Variants in INSR observed in about 807,000 individuals in gnomAD.
The protein encoded by INSR is IR.
A neutral mutation model predicts 142.6 loss-of-function variants in INSR; 67 were observed. The observed-to-expected ratio is 0.47, with a 90% CI of 0.39 to 0.58. The LOEUF is 0.58. Ranked by LOEUF, INSR falls within the 20% of genes least tolerant of loss-of-function variation. INSR has a pLI of 0.00. For synonymous variants in INSR, 756 were observed against 743.1 expected (o/e 1.02, Z -0.28); for missense variants, 1,248 against 1,833.2 (o/e 0.68, Z 5.83).
chr19:7,289,194 G>C (rs975950251), intron 1 of INSR, among the ~76,000 whole-genome samples: 3 of 151,830 alleles, frequency 2.0e-5, no homozygotes, highest in Admixed American at 1.3e-4. Flanking sequence ...GATTAACTTC[G>C]AGAGCCATCG....
At position 7,126,798 on chromosome 19, in the gene INSR, G is replaced by C; in HGVS notation, c.2946-147C>G. On this transcript the variant is annotated intron_variant, in intron 15 of 21. Transcript: ENST00000302850. ...GATGCAGTCTAGGGCAGGGATGGGG[G>C]ACCTTTATGTTTTGAATGGAAGCCC... 3.9e-6 allele frequency: 3 copies of C among 762,028 alleles called. No individual in the cohort carries two copies. In the South Asian group the frequency reaches 4.5e-5, roughly 11 times the overall value. The allele number at this position is 762,028 out of a possible 1,614,324, so 47.2% of individuals were successfully genotyped here.
At chr19:7,257,405 T>C (rs1976927342) in intron 2 of INSR, among the ~76,000 whole-genome samples, 3 of 150,878 alleles carry the variant, frequency 2.0e-5, no homozygotes, top group Admixed American at 2.0e-4. Flanking sequence ...TCCAAACACG[T>C]CTAGAAGCAC....
At chr19:7,180,610 G>A (rs929921493) in intron 3 of INSR, among the ~76,000 whole-genome samples, 4 of 151,704 alleles carry the variant, frequency 2.6e-5, no homozygotes, top group South Asian at 2.1e-4. Context: ...GAGAGTGCAC[G>A]GATGATTGAC....
At chr19:7,264,357 C>T (rs2145203200) in intron 2 of INSR, among the ~76,000 whole-genome samples, 1 of 151,932 alleles carries the variant, frequency 6.6e-6, no homozygotes, top group South Asian at 2.1e-4. Context: ...AAACAAACAA[C>T]AGCAACAACA....
At chr19:7,200,217 G>T (rs1215199533) in intron 2 of INSR, among the ~76,000 whole-genome samples, 1 of 152,140 alleles carries the variant, frequency 6.6e-6, no homozygotes, top group Non-Finnish European at 1.5e-5. Flanking sequence ...TCTGGCTTAT[G>T]GTAGATGGAT....
At chr19:7,135,442 A>T (rs1397809799) in intron 13 of INSR, among the ~76,000 whole-genome samples, 1 of 144,664 alleles carries the variant, frequency 6.9e-6, no homozygotes, top group Non-Finnish European at 1.5e-5. Flanking sequence ...CAGCCTCCTG[A>T]GTAACTGGGA....
Position 7,128,901 on chromosome 19 carries a change from A to G in INSR, c.2896T>C (p.Phe966Leu). Residue 966 changes from phenylalanine (F) to leucine (L), a missense_variant, in exon 15 of 22, where the codon TTT becomes CTT. By Grantham distance (22) the Phe-to-Leu change is conservative. Coordinates refer to ENST00000302850, the MANE Select transcript of INSR (RefSeq NM_000208.4). The stretch of plus-strand genomic sequence containing the variant: ...CTTCCAATCACAACACTGAAGAGAA[A>G]GACAAAGATGAGGGGGCCGATGATA... ...KIIIGPLIFV[F>L]LFSVVIGSIY... 1.2e-6 allele frequency: 2 copies of G among 1,614,124 alleles called. No individual in the cohort carries two copies. The highest frequency in any genetic ancestry group is 1.7e-6 in the Non-Finnish European group (2 of 1,179,944).
intron 2 of INSR, among the ~76,000 whole-genome samples, chr19:7,200,628 TAGG>T (rs1974926030): frequency 6.6e-6 from 1 of 151,766 alleles, no homozygotes; most frequent in African/African-American, 2.4e-5. Context: ...TGCTTGAGCC[TAGG>T]AGTTCAAGAC....
intron 19 of INSR, 21 bp downstream of exon 19, chr19:7,122,593 A>C: frequency 6.2e-7 from 1 of 1,614,102 alleles, no homozygotes; most frequent in East Asian, 2.2e-5. Flanking sequence ...TTATGTTTTC[A>C]AAGCAGAAAG....
Position 7,166,553 on chromosome 19 carries a change from A to C in INSR, c.1611-149T>G. 3.4e-6 allele frequency: 3 copies of C among 882,738 alleles called. No homozygotes were observed. The South Asian group carries it at 4.4e-5, about 13-fold the overall frequency. The allele number at this position is 882,738 out of a possible 1,614,324, so 54.7% of individuals were successfully genotyped here. Reference sequence around the variant, plus strand: ...CCACAAGAAAAAATAACTCGGGAACAGCCAAAGAGAAAGGAACTGTCAACC... The same window carrying C: ...CCACAAGAAAAAATAACTCGGGAACCGCCAAAGAGAAAGGAACTGTCAACC... On this transcript the variant is annotated intron_variant, in intron 7 of 21. Transcript: ENST00000302850. This position sits in a 1 kb window ranked among gnomAD's most constrained non-coding sequence, Gnocchi z 4.1.
At chr19:7,182,533 T>A (rs929062554) in intron 3 of INSR, among the ~76,000 whole-genome samples, 1 of 151,952 alleles carries the variant, frequency 6.6e-6, no homozygotes, top group Non-Finnish European at 1.5e-5. Flanking sequence ...AATTAATTAA[T>A]TAAAAGCTTC....
At chr19:7,240,768 G>A (rs971878810) in intron 2 of INSR, among the ~76,000 whole-genome samples, 5 of 152,052 alleles carry the variant, frequency 3.3e-5, no homozygotes, top group Non-Finnish European at 5.9e-5. Context: ...CAGTCAGGGC[G>A]GTGAAAACCT....
In INSR at chr19:7,118,394, T is replaced by A. The variant is rs142663696; in HGVS notation, c.3795-984A>T. 3.0e-3 allele frequency among the ~76,000 whole-genome samples: 461 copies of A among 152,068 alleles called. 1 individual carries two copies. Among genetic ancestry groups the A allele is most frequent in the African/African-American group, 0.011 (447 of 41,532 alleles). On this transcript the variant is annotated intron_variant, in intron 21 of 21. Coordinates refer to ENST00000302850, the MANE Select transcript of INSR (RefSeq NM_000208.4). ...GTGCAATGGTGCAGTCTCTGCTCAC[T>A]GCAACCTCTGCCTCCCCGATTCAAG...
At chr19:7,236,195 C>G (rs1375116313) in intron 2 of INSR, among the ~76,000 whole-genome samples, 1 of 151,924 alleles carries the variant, frequency 6.6e-6, no homozygotes, top group Non-Finnish European at 1.5e-5. Flanking sequence ...CTGCTGACCT[C>G]AAGTGATCCA....
chr19:7,198,340 G>A (rs1290310645), intron 2 of INSR, among the ~76,000 whole-genome samples: 1 of 152,060 alleles, frequency 6.6e-6, no homozygotes, highest in Non-Finnish European at 1.5e-5. Flanking sequence ...CCCGGCCAGA[G>A]GAAAGGGCGC....
At chr19:7,154,166 A>C (rs1274325609) in intron 9 of INSR, among the ~76,000 whole-genome samples, 1 of 152,066 alleles carries the variant, frequency 6.6e-6, no homozygotes, top group Non-Finnish European at 1.5e-5. Context: ...GTCTCAAAAA[A>C]ATAATAAATA....
intron 14 of INSR, among the ~76,000 whole-genome samples, chr19:7,131,083 T>C (rs1289094186): frequency 1.3e-5 from 2 of 151,340 alleles, no homozygotes; most frequent in African/African-American, 2.4e-5. Flanking sequence ...TTTCACCATG[T>C]TGGTCAGGCT....
intron 9 of INSR, among the ~76,000 whole-genome samples, chr19:7,160,983 G>A (rs1267887543): frequency 5.0e-5 from 7 of 140,798 alleles, no homozygotes; most frequent in Admixed American, 4.3e-4. Flanking sequence ...GTGACGGAGT[G>A]AGACTCCGTG....
At chr19:7,249,995 A>G (rs1185939774) in intron 2 of INSR, among the ~76,000 whole-genome samples, 1 of 151,532 alleles carries the variant, frequency 6.6e-6, no homozygotes, top group African/African-American at 2.4e-5. Flanking sequence ...CTGTCTCAAA[A>G]AAAAATAAAA....
Sources: gnomAD v4.1 joint callset for allele counts (sites outside exome capture counted in the v4.1 genomes callset) on GRCh38, gnomAD v4.1.1 for gene constraint, Gnocchi (gnomAD v3.1) non-coding constraint, MANE v1.5 for transcripts, NCBI Gene and HGNC (gene_info 2026-07-23, HGNC 2026-07-21) for gene names.